NAV2: variants seen among roughly 807,000 people sequenced by gnomAD.
The protein encoded by NAV2 is helicase, APC down-regulated 1.
NAV2 carries 54 observed loss-of-function variants against 223.2 expected under a neutral mutation model. The ratio of observed to expected loss-of-function variants is 0.24; its 90% CI spans 0.19 to 0.30. The LOEUF (loss-of-function observed/expected upper bound fraction) is 0.30. NAV2 is among the 10% of genes least tolerant of loss of function. NAV2 has a pLI of 1.00. For synonymous variants in NAV2, 1,279 were observed against 1,239.3 expected (o/e 1.03, Z -0.67); for missense variants, 2,806 against 3,147.5 (o/e 0.89, Z 2.60).
chr11:19,930,742 G>T (rs1565579980), intron 6 of NAV2, among the ~76,000 whole-genome samples: 2 of 152,134 alleles, frequency 1.3e-5, no homozygotes, highest in Admixed American at 1.3e-4. Flanking sequence ...CTTTACATCT[G>T]CCCCAGATCT....
chr11:19,595,357 G>A (rs1389301250), intron 1 of NAV2, among the ~76,000 whole-genome samples: 1 of 152,116 alleles, frequency 6.6e-6, no homozygotes, highest in African/African-American at 2.4e-5. Flanking sequence ...ATTGGCTGAG[G>A]GGAAATTGAT....
chr11:19,406,569 G>A (rs1002431086), intron 1 of NAV2, among the ~76,000 whole-genome samples: 5 of 152,056 alleles, frequency 3.3e-5, no homozygotes, highest in Non-Finnish European at 5.9e-5. Flanking sequence ...TCCCTGCCCC[G>A]CCAATGAAGT....
At chr11:19,941,817 G>T (rs2585772) in intron 8 of NAV2, among the ~76,000 whole-genome samples, 1 of 152,136 alleles carries the variant, frequency 6.6e-6, no homozygotes, top group Non-Finnish European at 1.5e-5. Context: ...GACGGCTTCA[G>T]CAGTTAATGG....
At chr11:19,442,874 G>A (rs1014709376) in intron 1 of NAV2, among the ~76,000 whole-genome samples, 4 of 152,206 alleles carry the variant, frequency 2.6e-5, no homozygotes, top group African/African-American at 7.2e-5. Context: ...GAAGTGGATT[G>A]TCCTGTGTTT....
chr11:19,704,086 T>C (rs1293072052), intron 1 of NAV2, among the ~76,000 whole-genome samples: 1 of 151,178 alleles, frequency 6.6e-6, no homozygotes, highest in Non-Finnish European at 1.5e-5. Context: ...TTTAGGCTTC[T>C]TGTTTAAGGA....
intron 1 of NAV2, among the ~76,000 whole-genome samples, chr11:19,812,261 C>G (rs1363719967): frequency 6.6e-6 from 1 of 152,096 alleles, no homozygotes; most frequent in Middle Eastern, 3.4e-3. Context: ...ACCCCCTGAG[C>G]CTTTGCATGG....
intron 1 of NAV2, among the ~76,000 whole-genome samples, chr11:19,599,290 T>C (rs1211656318): frequency 1.3e-5 from 2 of 152,214 alleles, no homozygotes; most frequent in Non-Finnish European, 2.9e-5. Flanking sequence ...GAATTGCAAA[T>C]GGTTTGGCTG....
At chr11:19,961,135 T>A (rs2048327042) in intron 10 of NAV2, among the ~76,000 whole-genome samples, 6 of 151,826 alleles carry the variant, frequency 4.0e-5, no homozygotes, top group Admixed American at 3.9e-4. Context: ...TTTTATATAG[T>A]GATGGGGTAT....
rs116330029 is a variant in NAV2, at chr11:19,453,814, A to C, written c.75+102787A>C. Among the ~76,000 whole-genome samples the C allele has an allele frequency of 8.6e-3, 1,315 of 152,286 alleles. 20 individuals carry two copies. Among genetic ancestry groups the C allele is most frequent in the African/African-American group, 0.03 (1,247 of 41,544 alleles). The stretch of plus-strand genomic sequence containing the variant: ...CTCTGTTAGGTTTTGTCTCCTGCTC[A>C]AGGCCAGAGTCAGCCCTTTAGAAAA... On this transcript the variant is annotated intron_variant, in intron 1 of 37. Coordinates refer to the NAV2 transcript ENST00000360655.
intron 1 of NAV2, among the ~76,000 whole-genome samples, chr11:19,369,290 T>G (rs1340228408): frequency 1.3e-5 from 2 of 152,184 alleles, no homozygotes; most frequent in Non-Finnish European, 2.9e-5. Flanking sequence ...GCATAGCACA[T>G]TGGAACGACC....
chr11:19,954,661 C>G (rs1302113965), intron 10 of NAV2, among the ~76,000 whole-genome samples: 1 of 152,132 alleles, frequency 6.6e-6, no homozygotes, highest in Non-Finnish European at 1.5e-5. Flanking sequence ...TTCGTGCTCT[C>G]ATGCATCATT....
At chr11:19,504,237 T>G (rs1254420499) in intron 1 of NAV2, 1 of 152,164 alleles carries the variant, frequency 6.6e-6, no homozygotes, top group Non-Finnish European at 1.5e-5. Flanking sequence ...AAATATCCAC[T>G]CGGGAAGACA....
chr11:19,995,956 C>A (rs1202386002), intron 11 of NAV2, among the ~76,000 whole-genome samples: 1 of 152,144 alleles, frequency 6.6e-6, no homozygotes, highest in Non-Finnish European at 1.5e-5. Context: ...TGGGCAATGT[C>A]AGGTCATTTG....
At chr11:19,723,248 T>G (rs970413271) in intron 1 of NAV2, among the ~76,000 whole-genome samples, 2 of 152,222 alleles carry the variant, frequency 1.3e-5, no homozygotes, top group African/African-American at 4.8e-5. Context: ...CCTTACATAA[T>G]CTCATTTAAT....
chr11:19,517,162 C>T (rs188653958), intron 1 of NAV2, among the ~76,000 whole-genome samples: 1 of 152,196 alleles, frequency 6.6e-6, no homozygotes, highest in Admixed American at 6.5e-5. Flanking sequence ...CCTGCGCAGT[C>T]CACTTTCTTG....
intron 1 of NAV2, among the ~76,000 whole-genome samples, chr11:19,396,007 C>G (rs573983292): frequency 6.6e-6 from 1 of 152,260 alleles, no homozygotes; most frequent in South Asian, 2.1e-4. Flanking sequence ...GGAATTTGCT[C>G]ATCTTTACAA....
chr11:19,797,591 TCATGA>T (rs1352573967), intron 1 of NAV2, among the ~76,000 whole-genome samples: 1 of 152,160 alleles, frequency 6.6e-6, no homozygotes, highest in Admixed American at 6.5e-5. Flanking sequence ...GATACTCTGG[TCATGA>T]CAGTGAGTGG....
At chr11:19,506,117 T>C (rs960428192) in intron 1 of NAV2, 1 of 152,266 alleles carries the variant, frequency 6.6e-6, no homozygotes, top group Non-Finnish European at 1.5e-5. Context: ...TTTCCACTGG[T>C]CAAAGTTTTC....
chr11:19,668,459 G>A (rs1030159412), intron 1 of NAV2, among the ~76,000 whole-genome samples: 3 of 150,706 alleles, frequency 2.0e-5, no homozygotes, highest in Admixed American at 6.6e-5. Flanking sequence ...CTTGAACCTG[G>A]GAGGTGGAAG....
Sources: gnomAD v4.1 joint callset for allele counts (sites outside exome capture counted in the v4.1 genomes callset) on GRCh38, gnomAD v4.1.1 for gene constraint, MANE v1.5 for transcripts, NCBI Gene and HGNC (gene_info 2026-07-23, HGNC 2026-07-21) for gene names.